TTC17: variants seen among roughly 807,000 people sequenced by gnomAD.
TTC17 encodes the protein tetratricopeptide repeat protein 17.
Under a neutral mutation model 143.8 loss-of-function variants are expected in TTC17, and 58 were observed. That is an observed-to-expected ratio of 0.40 (90% CI 0.33 to 0.50). The LOEUF (loss-of-function observed/expected upper bound fraction) is 0.50. Ranked by LOEUF, TTC17 falls within the 20% of genes least tolerant of loss-of-function variation. The pLI, the probability that TTC17 is intolerant of heterozygous loss-of-function variation, is 0.49. For missense variants in TTC17, 1,273 were observed against 1,392.5 expected, an observed-to-expected ratio of 0.91 and a Z score of 1.37; for synonymous variants, 501 against 497.8, an observed-to-expected ratio of 1.01 and a Z score of -0.09.
intron 21 of TTC17, among the ~76,000 whole-genome samples, chr11:43,467,126 TA>T (rs1395199552): frequency 5.9e-5 from 9 of 152,226 alleles, no homozygotes; most frequent in Non-Finnish European, 1.3e-4. Flanking sequence ...GTTTCTCAAA[TA>T]ATTAAACATT....
chr11:43,399,589 T>C (rs1310700145), intron 8 of TTC17, among the ~76,000 whole-genome samples: 1 of 152,102 alleles, frequency 6.6e-6, no homozygotes, highest in Admixed American at 6.6e-5. Flanking sequence ...GAGGACCCCT[T>C]GAGCCCAGGA....
At chr11:43,401,026 T>C (rs1266618337) in intron 9 of TTC17, among the ~76,000 whole-genome samples, 1 of 152,226 alleles carries the variant, frequency 6.6e-6, no homozygotes, top group Non-Finnish European at 1.5e-5. Flanking sequence ...GTAAAGAGTA[T>C]GCTCAGTCTT....
chr11:43,457,033 T>C, intron 21 of TTC17, among the ~76,000 whole-genome samples: 1 of 152,042 alleles, frequency 6.6e-6, no homozygotes, highest in Non-Finnish European at 1.5e-5. Flanking sequence ...GATGGGAGAC[T>C]GAAGTGAGCT....
chr11:43,440,608 A>G (rs967581948), intron 16 of TTC17, among the ~76,000 whole-genome samples: 2 of 152,092 alleles, frequency 1.3e-5, no homozygotes, highest in South Asian at 2.1e-4. Context: ...AGATTATTCA[A>G]TACCTTTCTA....
intron 7 of TTC17, 114 bp downstream of exon 7, chr11:43,397,605 G>A (rs1039496866): frequency 2.4e-5 from 29 of 1,210,048 alleles, no homozygotes; most frequent in Middle Eastern, 2.6e-4. Context: ...TGGTCTGAAC[G>A]ATGGAAATGA....
intron 1 of TTC17, among the ~76,000 whole-genome samples, chr11:43,365,932 A>G (rs1219214204): frequency 6.6e-6 from 1 of 151,854 alleles, no homozygotes; most frequent in African/African-American, 2.4e-5. Context: ...TGCTGAGAGT[A>G]TCTGCATTCC....
At chr11:43,418,430 A>T (rs1167245010) in intron 16 of TTC17, among the ~76,000 whole-genome samples, 2 of 152,154 alleles carry the variant, frequency 1.3e-5, no homozygotes, top group African/African-American at 4.8e-5. Flanking sequence ...TTTCGATTAA[A>T]CATCTTGTTT....
chr11:43,480,055 A>T (rs56895027), intron 21 of TTC17, among the ~76,000 whole-genome samples: 15,028 of 152,190 alleles, frequency 0.099, 2,526 homozygotes, highest in African/African-American at 0.34. Context: ...ATGTTTGCTG[A>T]ACCTAACAAG....
chr11:43,415,360 C>T (rs943481390), intron 16 of TTC17, among the ~76,000 whole-genome samples: 6 of 152,112 alleles, frequency 3.9e-5, no homozygotes, highest in Admixed American at 6.6e-5. Flanking sequence ...GTTGCACTTT[C>T]GTTATTAGAA....
chr11:43,467,549 T>A (rs1332956387), intron 21 of TTC17, among the ~76,000 whole-genome samples: 1 of 152,200 alleles, frequency 6.6e-6, no homozygotes, highest in Non-Finnish European at 1.5e-5. Context: ...TAATGGATAT[T>A]GAGTTTGTTT....
chr11:43,405,666 G>T (rs1858086950), intron 12 of TTC17, 37 bp downstream of exon 12: 2 of 1,611,826 alleles, frequency 1.2e-6, no homozygotes, highest in Admixed American at 3.3e-5. Flanking sequence ...ACCTGATTCT[G>T]CATGATTGTC....
chr11:43,371,435 A>G (rs1856563753), intron 1 of TTC17, among the ~76,000 whole-genome samples: 1 of 152,188 alleles, frequency 6.6e-6, no homozygotes, highest in Non-Finnish European at 1.5e-5. Context: ...AAGGAAACTT[A>G]CTTATGTTTA....
chr11:43,399,698 T>A (rs1857766385), intron 8 of TTC17, among the ~76,000 whole-genome samples, 190 bp from the exon 9 acceptor site: 1 of 152,122 alleles, frequency 6.6e-6, no homozygotes, highest in African/African-American at 2.4e-5. Context: ...AAAGTTGTAT[T>A]TAAAGGAAGA....
chr11:43,374,083 A>C (rs1471639096), intron 1 of TTC17, among the ~76,000 whole-genome samples: 1 of 152,220 alleles, frequency 6.6e-6, no homozygotes, highest in Non-Finnish European at 1.5e-5. Context: ...TCCTCAAACA[A>C]TCAACAGTAT....
At position 43,461,794 on chromosome 11, in the gene TTC17, C is replaced by T. The variant is rs892513654; in HGVS notation, c.3030+10529C>T. 4.6e-4 allele frequency among the ~76,000 whole-genome samples: 70 copies of T among 152,152 alleles called. 1 individual carries two copies. Among genetic ancestry groups the T allele is most frequent in the Non-Finnish European group, 9.3e-4 (63 of 67,990 alleles). The stretch of plus-strand genomic sequence containing the variant: ...AGGGAAGCAAATAGAGTTTAAAAGT[C>T]CTAAGGCTTAATTGGTATCAGCCAA... On this transcript the variant is annotated intron_variant, in intron 21 of 23. Transcript: ENST00000039989.
intron 2 of TTC17, chr11:43,385,601 G>T (rs1296366661): frequency 6.6e-6 from 1 of 151,444 alleles, no homozygotes; most frequent in Non-Finnish European, 1.5e-5. Context: ...AAAATAAATG[G>T]CACAGTAACT....
Position 43,404,066 on chromosome 11 carries a change from T to G in TTC17, c.1401T>G (p.Asp467Glu). The G allele has an allele frequency of 6.2e-7, 1 of 1,613,428 alleles. No homozygotes were observed. Among genetic ancestry groups the G allele is most frequent in the Non-Finnish European group, 8.5e-7 (1 of 1,179,584 alleles). The change falls in exon 11 of 24, where the codon GAT becomes GAG. Residue 467 changes from aspartate (D) to glutamate (E), a missense_variant. By Grantham distance (45) the Asp-to-Glu change is conservative. This residue lies in a region of TTC17 where 878 missense variants were observed against 899.8 expected (regional missense o/e 0.98). Transcript: ENST00000039989. ...TTGATGTTCAATCAAATCAGAGTGA[T>G]ATCAATGATTCGGTCAAGTCTTCTC... is the stretch of plus-strand genomic sequence containing the variant. ...VNFDVQSNQSDINDSVKSSPV... is the reference protein window; with the variant it reads ...VNFDVQSNQSEINDSVKSSPV...
intron 16 of TTC17, among the ~76,000 whole-genome samples, chr11:43,438,552 G>A (rs1262446840): frequency 6.6e-6 from 1 of 152,190 alleles, no homozygotes; most frequent in Non-Finnish European, 1.5e-5. Context: ...TGTTATTAAA[G>A]ATAGTATGTG....
chr11:43,401,043 T>G (rs1590359188), intron 9 of TTC17, among the ~76,000 whole-genome samples: 1 of 152,210 alleles, frequency 6.6e-6, no homozygotes, highest in South Asian at 2.1e-4. Flanking sequence ...TCTTTGGAAT[T>G]ACTTACTGCC....
Sources: allele counts gnomAD v4.1 joint callset (sites outside exome capture counted in the v4.1 genomes callset), GRCh38; gene constraint gnomAD v4.1.1; regional missense constraint gnomAD v4.1.1; transcripts MANE v1.5; gene names NCBI Gene and HGNC (gene_info 2026-07-23, HGNC 2026-07-21).